Variants in SSC5D observed in about 807,000 individuals in gnomAD.
SSC5D encodes the protein soluble scavenger receptor cysteine-rich domain-containing protein SSC5D.
In SSC5D, 106 loss-of-function variants were observed where a neutral mutation model predicts 104.6. The ratio of observed to expected loss-of-function variants is 1.01; its 90% CI spans 0.87 to 1.19. SSC5D has a LOEUF of 1.19. Ranked by LOEUF, SSC5D falls within the 50% of genes most tolerant of loss-of-function variation. The probability of loss-of-function intolerance (pLI) is 0.00; values close to 1 mark genes in which losing one functional copy is unlikely to be tolerated. For missense variants in SSC5D, 1,993 were observed against 2,153.8 expected (o/e 0.93, Z 1.48); for synonymous variants, 860 against 883.5 (o/e 0.97, Z 0.47).
chr19:55,506,153 A>G (rs1987630538), intron 12 of SSC5D, among the ~76,000 whole-genome samples: 1 of 151,736 alleles, frequency 6.6e-6, no homozygotes, highest in Non-Finnish European at 1.5e-5. Context: ...ACGTAAAGTA[A>G]CATATTCACA....
intron 5 of SSC5D, 48 bp from the exon 6 acceptor site, chr19:55,490,724 G>A: frequency 4.2e-6 from 6 of 1,441,790 alleles, no homozygotes; most frequent in Non-Finnish European, 5.5e-6. Context: ...AGGGGTGTTT[G>A]AATCATTTCT....
chr19:55,505,419 A>G lies in SSC5D; in HGVS notation c.2785+4218A>G, dbSNP rs556851317. Among the ~76,000 whole-genome samples the G allele has an allele frequency of 3.9e-5, 6 of 151,954 alleles. No homozygotes were observed. The South Asian group carries it at 8.3e-4, about 21-fold the overall frequency. ...ACTTTAAGCTCTGTGAAAGATCTGT[A>G]TCTATTTCAATTGCTGCCATAATAC... On this transcript the variant is annotated intron_variant, in intron 12 of 13. Coordinates refer to ENST00000389623, the MANE Select transcript of SSC5D (RefSeq NM_001144950.2).
intron 12 of SSC5D, chr19:55,504,036 A>G (rs1158125387): frequency 6.6e-6 from 9 of 1,356,674 alleles, no homozygotes; most frequent in Non-Finnish European, 9.0e-6. Flanking sequence ...AAAGGGAGGG[A>G]GGAAGCAGGC....
At chr19:55,509,595 G>A (rs1285513481) in intron 12 of SSC5D, among the ~76,000 whole-genome samples, 3 of 148,830 alleles carry the variant, frequency 2.0e-5, no homozygotes, top group Admixed American at 2.0e-4. Context: ...GGAGTCTCAC[G>A]CCTGTAATCC....
Position 55,499,968 on chromosome 19 carries a change from G to A in SSC5D, c.1858G>A (p.Ala620Thr). 1.9e-6 allele frequency: 3 copies of A among 1,551,888 alleles called. No homozygotes were observed. The highest frequency in any genetic ancestry group is 1.4e-5 in the African/African-American group (1 of 73,068). ...TGTTCTGGAGAAAACAACCACGAAG[G>A]CCCCAGGGAAAATGCCTAAGAGTAC... is the stretch of plus-strand genomic sequence containing the variant. ...ASVLEKTTTK[A>T]PGKMPKSTKK... The change falls in exon 10 of 14, where the codon GCC becomes ACC. Residue 620 changes from alanine to threonine, a missense_variant. Transcript: ENST00000389623.
At position 55,513,183 on chromosome 19, in the gene SSC5D, T is replaced by C. The variant is rs1266256537; in HGVS notation, c.2947+11T>C. Reference sequence around the variant, plus strand: ...TCCATGGAGACACAGGTGAGACACGTGGCTGGGGTGAGGAGACTGGGACGG... The same window carrying C: ...TCCATGGAGACACAGGTGAGACACGCGGCTGGGGTGAGGAGACTGGGACGG... On this transcript the variant is annotated intron_variant, in intron 13 of 13. Coordinates refer to ENST00000389623, the MANE Select transcript of SSC5D (RefSeq NM_001144950.2). The C allele has an allele frequency of 5.4e-6, 8 of 1,481,788 alleles. No homozygotes were observed. Among genetic ancestry groups the C allele is most frequent in the Admixed American group, 4.9e-5 (2 of 41,174 alleles). 91.8% of individuals were successfully genotyped at this position (1,481,788 alleles called of 1,614,324 possible). A position where few individuals can be genotyped will look rare whatever the true frequency, so the allele number is the denominator to read the frequency against.
In SSC5D at chr19:55,489,624, TCTG is replaced by T. The variant is rs1316901212; in HGVS notation, c.326_328del (p.Cys109del). 8.5e-6 allele frequency: 13 copies of T among 1,533,176 alleles called. No homozygotes were observed. In the African/African-American group the frequency reaches 1.6e-4, roughly 19 times the overall value. 95.0% of individuals were successfully genotyped at this position (1,533,176 alleles called of 1,614,324 possible). On this transcript the variant is annotated inframe_deletion, in exon 3 of 14. Transcript: ENST00000389623. ...CACCACCGGGGCTGGAAGGCCCACA[TCTG>T]CTCCCACGAGGAGGACGCGGGCGTC...
At chr19:55,504,347 C>T in intron 12 of SSC5D, 1 of 1,401,470 alleles carries the variant, frequency 7.1e-7, no homozygotes, top group Non-Finnish European at 9.3e-7. Flanking sequence ...GAAAAGACAG[C>T]CATGTGTGCC....
In SSC5D at chr19:55,504,253, C is replaced by G. The variant is rs10422098; in HGVS notation, c.2785+3052C>G. The G allele has an allele frequency of 1.9e-3, 2,939 of 1,518,424 alleles. 52 individuals carry two copies. In the African/African-American group the frequency reaches 0.037, roughly 19 times the overall value. The allele number at this position is 1,518,424 out of a possible 1,614,324, so 94.1% of individuals were successfully genotyped here. A position where few individuals can be genotyped will look rare whatever the true frequency, so the allele number is the denominator to read the frequency against. On this transcript the variant is annotated intron_variant, in intron 12 of 13. Coordinates refer to ENST00000389623, the MANE Select transcript of SSC5D (RefSeq NM_001144950.2). ...CACAGCGGCTGCGGAGACAGCGGGT[C>G]CGGCCTCGGGACCCCTCCCGTAGGG...
chr19:55,509,732 G>A (rs1490557988), intron 12 of SSC5D, among the ~76,000 whole-genome samples: 6 of 150,542 alleles, frequency 4.0e-5, no homozygotes, highest in East Asian at 3.9e-4. Flanking sequence ...GGTGGCAGGC[G>A]CCTGTAATCC....
Position 55,513,148 on chromosome 19 carries a change from A to C in SSC5D, c.2923A>C (p.Thr975Pro). ...CACCAGGAGCCCAGGCAGTCCTCCA[A>C]CTCTGAGAGTCCATGGAGACACAGG... The part of the protein sequence containing the change: ...GTTRSPGSPP[T>P]LRVHGDTGSP... The change falls in exon 13 of 14, where the codon ACT becomes CCT. Residue 975 changes from threonine to proline, a missense_variant. Thr to Pro is a conservative substitution (Grantham distance 38). Coordinates refer to ENST00000389623, the MANE Select transcript of SSC5D (RefSeq NM_001144950.2). The C allele has an allele frequency of 6.6e-7, 1 of 1,523,774 alleles. No individual in the cohort carries two copies. The highest frequency in any genetic ancestry group is 2.1e-5 in the Admixed American group (1 of 47,394). The allele number at this position is 1,523,774 out of a possible 1,614,324, so 94.4% of individuals were successfully genotyped here. A position where few individuals can be genotyped will look rare whatever the true frequency, so the allele number is the denominator to read the frequency against.
intron 7 of SSC5D, 70 bp downstream of exon 7, chr19:55,493,982 G>T (rs186299042): frequency 1.3e-5 from 4 of 297,146 alleles, no homozygotes; most frequent in South Asian, 2.3e-5. Flanking sequence ...CAAGTTCGGC[G>T]GGGGCGGGGG....
At chr19:55,513,279 G>C in intron 13 of SSC5D, 107 bp downstream of exon 13, 1 of 1,183,482 alleles carries the variant, frequency 8.4e-7, no homozygotes. Context: ...AGACTCAGCA[G>C]AAATATACCC....
intron 8 of SSC5D, among the ~76,000 whole-genome samples, chr19:55,496,828 G>A (rs1055060278): frequency 6.7e-6 from 1 of 149,096 alleles, no homozygotes; most frequent in African/African-American, 2.5e-5. Context: ...TTGGCTCACT[G>A]CAACCTCCGC....
rs1330414847 is a variant in SSC5D, at chr19:55,495,224, TATATA to T, written c.1387+442_1387+446del. Among the ~76,000 whole-genome samples, 11 of 24,976 alleles carry T rather than the reference TATATA, an allele frequency of 4.4e-4. 1 individual carries two copies. The highest frequency in any genetic ancestry group is 9.2e-4 in the Non-Finnish European group (11 of 11,912). 16.4% of individuals were successfully genotyped at this position (24,976 alleles called of 152,430 possible). A position where few individuals can be genotyped will look rare whatever the true frequency, so the allele number is the denominator to read the frequency against. ...TTCTGCCTGCCTCCTTTCATATATA[TATATA>T]TATATTTTTTTTTTTTTTTTTTTTT... On this transcript the variant is annotated intron_variant, in intron 8 of 13. Coordinates refer to ENST00000389623, the MANE Select transcript of SSC5D (RefSeq NM_001144950.2).
Position 55,490,930 on chromosome 19 carries a change from G to A in SSC5D, c.745G>A (p.Gly249Ser), listed in dbSNP as rs556559959. The A allele has an allele frequency of 5.2e-6, 8 of 1,544,432 alleles. No individual in the cohort carries two copies. Among genetic ancestry groups the A allele is most frequent in the African/African-American group, 4.1e-5 (3 of 72,966 alleles). The change falls in exon 6 of 14, where the codon GGC becomes AGC. Residue 249 changes from glycine (G) to serine (S), a missense_variant. Around this residue, in one of 6 missense-constraint regions of SSC5D, gnomAD observed 1,101 missense variants for 1,085.0 expected, o/e 1.01. Coordinates refer to ENST00000389623, the MANE Select transcript of SSC5D (RefSeq NM_001144950.2). ...CTGTGGGGGGGCGCTGGCTGCCCCC[G>A]GCGGTGCCAGATTCGGGCCTGGTGC... ...LGCGGALAAP[G>S]GARFGPGAGP...
rs1987890608 is a variant in SSC5D at position 55,517,206 on chromosome 19, T to C, written c.2948-18T>C. 2.0e-6 allele frequency: 3 copies of C among 1,531,070 alleles called. No homozygotes were observed. Among genetic ancestry groups the C allele is most frequent in the Non-Finnish European group, 2.6e-6 (3 of 1,144,162 alleles). The allele number at this position is 1,531,070 out of a possible 1,614,324, so 94.8% of individuals were successfully genotyped here. On this transcript the variant is annotated intron_variant, in intron 13 of 13. Transcript: ENST00000389623. ...CGGTTGACCTCAGACCGTCCGTCTG[T>C]CTTTCCTCCTCCTCCAGGTTCCCCG...
intron 9 of SSC5D, among the ~76,000 whole-genome samples, chr19:55,498,924 G>T (rs1425213683): frequency 2.0e-5 from 3 of 152,186 alleles, no homozygotes; most frequent in Non-Finnish European, 4.4e-5. Context: ...CTGAGGCAGG[G>T]CTCAGGAGAC....
chr19:55,502,812 T>A (rs1333423431), intron 12 of SSC5D, among the ~76,000 whole-genome samples: 1 of 150,838 alleles, frequency 6.6e-6, no homozygotes, highest in Admixed American at 6.7e-5. Context: ...CACACCACCA[T>A]GCCTGGCTAA....
Sources: gnomAD v4.1 joint callset for allele counts (sites outside exome capture counted in the v4.1 genomes callset) on GRCh38, gnomAD v4.1.1 for gene constraint, gnomAD v4.1.1 regional missense constraint, MANE v1.5 for transcripts, NCBI Gene and HGNC (gene_info 2026-07-23, HGNC 2026-07-21) for gene names.